Variants in ADAMTSL1 observed in about 807,000 individuals in gnomAD.
The protein encoded by ADAMTSL1 is ADAMTS like 1, also known as ADAMTS-like protein 1.
A neutral mutation model predicts 201.8 loss-of-function variants in ADAMTSL1; 126 were observed. The ratio of observed to expected loss-of-function variants is 0.62; its 90% CI spans 0.54 to 0.72. The LOEUF (loss-of-function observed/expected upper bound fraction) is 0.72, where lower values mean the gene tolerates loss of function less well. ADAMTSL1 is among the 30% of genes least tolerant of loss of function. The pLI is 0.00. For missense variants in ADAMTSL1, 2,679 were observed against 2,277.8 expected (o/e 1.18, Z -3.59); for synonymous variants, 1,121 against 903.4 (o/e 1.24, Z -4.32).
At chr9:18,155,845 A>G (rs1054858563) in intron 1 of ADAMTSL1, among the ~76,000 whole-genome samples, 48 of 152,046 alleles carry the variant, frequency 3.2e-4, no homozygotes, top group African/African-American at 9.7e-4. Context: ...AAGAGATGCT[A>G]TGAGTTTAGG....
Position 17,996,207 on chromosome 9 carries a change from T to C in ADAMTSL1, c.87+89285T>C, listed in dbSNP as rs191458391. On this transcript the variant is annotated intron_variant, in intron 1 of 29. Transcript: ENST00000680146. Reference sequence around the variant, plus strand: ...ATATTTTGAGAGCTCCCATCATCTGTAGTTTTCTTCCACTCTCCACCCACC... The same window carrying C: ...ATATTTTGAGAGCTCCCATCATCTGCAGTTTTCTTCCACTCTCCACCCACC... 7.2e-4 allele frequency among the ~76,000 whole-genome samples: 109 copies of C among 152,010 alleles called. 1 individual carries two copies. The highest frequency in any genetic ancestry group is 1.8e-3 in the Admixed American group (28 of 15,240).
At chr9:18,593,403 A>G (rs1304266475) in intron 4 of ADAMTSL1, among the ~76,000 whole-genome samples, 4 of 151,730 alleles carry the variant, frequency 2.6e-5, no homozygotes, top group Non-Finnish European at 4.4e-5. Context: ...TTTCAATTTC[A>G]TTTATTTCTG....
intron 2 of ADAMTSL1, among the ~76,000 whole-genome samples, chr9:18,282,101 C>G (rs1414309446): frequency 6.6e-6 from 1 of 152,282 alleles, no homozygotes; most frequent in South Asian, 2.1e-4. Flanking sequence ...TTTTTCAATC[C>G]TTCCCCCGCT....
chr9:18,475,995 T>A (rs60288112), intron 1 of ADAMTSL1, among the ~76,000 whole-genome samples: 5,720 of 152,236 alleles, frequency 0.038, 339 homozygotes, highest in African/African-American at 0.13. Flanking sequence ...TGAAAAGGTA[T>A]GTATGCTTAT....
At chr9:18,800,697 A>G (rs963348763) in intron 20 of ADAMTSL1, among the ~76,000 whole-genome samples, 1 of 152,220 alleles carries the variant, frequency 6.6e-6, no homozygotes, top group African/African-American at 2.4e-5. Context: ...CTCAGTCTCA[A>G]AAAAGCAATT....
At chr9:18,081,882 A>G (rs564905194) in intron 1 of ADAMTSL1, among the ~76,000 whole-genome samples, 1 of 152,224 alleles carries the variant, frequency 6.6e-6, no homozygotes, top group Non-Finnish European at 1.5e-5. Context: ...ATACTAGCGT[A>G]TGCTTGTCCT....
intron 2 of ADAMTSL1, among the ~76,000 whole-genome samples, chr9:18,290,571 G>A (rs1833211538): frequency 6.6e-6 from 1 of 151,956 alleles, no homozygotes; most frequent in Non-Finnish European, 1.5e-5. Context: ...GGGCTGTGAT[G>A]TAAAAGACCA....
At chr9:18,715,509 C>T (rs905276168) in intron 14 of ADAMTSL1, among the ~76,000 whole-genome samples, 1 of 152,000 alleles carries the variant, frequency 6.6e-6, no homozygotes, top group Non-Finnish European at 1.5e-5. Context: ...GGATAAAATA[C>T]CTAGGAATCC....
At chr9:17,918,549 A>G (rs956373145) in intron 1 of ADAMTSL1, among the ~76,000 whole-genome samples, 1 of 151,906 alleles carries the variant, frequency 6.6e-6, no homozygotes, top group African/African-American at 2.4e-5. Context: ...TTAATGGACC[A>G]GAATGATGGT....
chr9:18,597,409 T>C (rs1824340820), intron 4 of ADAMTSL1, among the ~76,000 whole-genome samples: 1 of 152,188 alleles, frequency 6.6e-6, no homozygotes, highest in Non-Finnish European at 1.5e-5. Context: ...ATTTCAACTC[T>C]CTCTATTATT....
chr9:18,639,574 A>G (rs1461378653), intron 7 of ADAMTSL1, among the ~76,000 whole-genome samples, 163 bp downstream of exon 7: 1 of 152,014 alleles, frequency 6.6e-6, no homozygotes, highest in Non-Finnish European at 1.5e-5. Context: ...TGCATCCTGG[A>G]CCTTATGAGG....
rs571010039 is a variant in ADAMTSL1, at chr9:18,619,879, A to G, written c.475-2364A>G. 5.4e-4 allele frequency among the ~76,000 whole-genome samples: 82 copies of G among 152,272 alleles called. 1 individual carries two copies. The South Asian group carries it at 0.013, about 24-fold the overall frequency. On this transcript the variant is annotated intron_variant, in intron 4 of 28. Transcript: ENST00000380548. ...CTTCCACATGGTCAAGGATCTTGTC[A>G]GATTAAGTCCTCTTCAATCCCAAAA...
At chr9:18,219,351 ATT>A (rs1830171335) in intron 2 of ADAMTSL1, among the ~76,000 whole-genome samples, 1 of 127,662 alleles carries the variant, frequency 7.8e-6, no homozygotes, top group Admixed American at 7.6e-5. Flanking sequence ...ATTTTTATTT[ATT>A]TATTTATTTA....
intron 15 of ADAMTSL1, among the ~76,000 whole-genome samples, chr9:18,724,956 T>C (rs1343424708): frequency 1.3e-5 from 2 of 151,826 alleles, no homozygotes; most frequent in South Asian, 2.1e-4. Context: ...GCCCAGGCTG[T>C]AGTGCAGTGG....
At chr9:18,338,801 C>A (rs1835350953) in intron 2 of ADAMTSL1, among the ~76,000 whole-genome samples, 1 of 152,116 alleles carries the variant, frequency 6.6e-6, no homozygotes, top group Non-Finnish European at 1.5e-5. Context: ...GTAGGCCTCA[C>A]TGTCTGTTGT....
chr9:18,249,565 A>T (rs1445463268), intron 2 of ADAMTSL1, among the ~76,000 whole-genome samples: 2 of 152,302 alleles, frequency 1.3e-5, no homozygotes, highest in Non-Finnish European at 2.9e-5. Context: ...AGATCAAGAC[A>T]TCCAGAAAAA....
chr9:18,515,439 G>A (rs1818309263), intron 2 of ADAMTSL1, among the ~76,000 whole-genome samples: 1 of 152,064 alleles, frequency 6.6e-6, no homozygotes, highest in South Asian at 2.1e-4. Context: ...GTTTCAAACC[G>A]TCCTCCTATC....
chr9:18,582,788 G>A (rs556339315), intron 4 of ADAMTSL1, among the ~76,000 whole-genome samples: 1 of 151,858 alleles, frequency 6.6e-6, no homozygotes, highest in Non-Finnish European at 1.5e-5. Context: ...GGCGGAGGTT[G>A]CAGTGAGCCA....
At chr9:18,611,452 T>A (rs1825359536) in intron 4 of ADAMTSL1, among the ~76,000 whole-genome samples, 1 of 152,128 alleles carries the variant, frequency 6.6e-6, no homozygotes, top group African/African-American at 2.4e-5. Context: ...TCTTAGGATT[T>A]TTGCTGAAGA....
Sources: gnomAD v4.1 joint callset for allele counts (sites outside exome capture counted in the v4.1 genomes callset) on GRCh38, gnomAD v4.1.1 for gene constraint, MANE v1.5 for transcripts, NCBI Gene and HGNC (gene_info 2026-07-23, HGNC 2026-07-21) for gene names.